Variants in LRRN1 observed in about 807,000 individuals in gnomAD.
The protein encoded by LRRN1 is leucine-rich repeat neuronal protein 1.
LRRN1 carries 14 observed loss-of-function variants against 45.8 expected under a neutral mutation model. The ratio of observed to expected loss-of-function variants is 0.31; its 90% confidence interval spans 0.20 to 0.48. The LOEUF (loss-of-function observed/expected upper bound fraction) is 0.48, where lower values mean the gene tolerates loss of function less well. Among genes scored for constraint, LRRN1 ranks in the 20% least tolerant of loss-of-function variants. The probability of loss-of-function intolerance (pLI) is 0.99; values close to 1 mark genes in which losing one functional copy is unlikely to be tolerated. For synonymous variants in LRRN1, 359 were observed against 330.1 expected (o/e 1.09, Z -0.95); for missense variants, 789 against 874.2 (o/e 0.90, Z 1.23).
At chr3:3,836,141 T>C (rs1343584055) in intron 1 of LRRN1, among the ~76,000 whole-genome samples, 2 of 152,218 alleles carry the variant, frequency 1.3e-5, no homozygotes, top group African/African-American at 4.8e-5. Flanking sequence ...GAATTTAAGA[T>C]AATTAATTTG....
At chr3:3,812,666 T>C (rs928555966) in intron 1 of LRRN1, among the ~76,000 whole-genome samples, 1 of 152,176 alleles carries the variant, frequency 6.6e-6, no homozygotes, top group Non-Finnish European at 1.5e-5. Context: ...TGAGTAATTC[T>C]ATTGAGTCTT....
intron 1 of LRRN1, among the ~76,000 whole-genome samples, chr3:3,805,254 G>A (rs957437454): frequency 1.3e-5 from 2 of 152,198 alleles, no homozygotes; most frequent in African/African-American, 4.8e-5. Context: ...AGCTTTAAAA[G>A]AGAGAAAGGT....
chr3:3,800,139 C>T (rs983517885), intron 1 of LRRN1, among the ~76,000 whole-genome samples: 1 of 103,968 alleles, frequency 9.6e-6, no homozygotes, highest in Non-Finnish European at 2.0e-5. Flanking sequence ...TCCCCCTTGC[C>T]AAAAAAAAAA....
intron 1 of LRRN1, among the ~76,000 whole-genome samples, chr3:3,823,421 G>A (rs974238687): frequency 1.3e-5 from 2 of 152,012 alleles, no homozygotes; most frequent in East Asian, 3.9e-4. Flanking sequence ...GAAGAAGAAG[G>A]TTAGGTTAAA....
intron 1 of LRRN1, among the ~76,000 whole-genome samples, chr3:3,843,572 C>T (rs183946301): frequency 2.6e-5 from 4 of 151,434 alleles, no homozygotes; most frequent in Admixed American, 2.6e-4. Flanking sequence ...CCACTGTACC[C>T]CCCCCCATAC....
Position 3,844,572 on chromosome 3 carries a change from T to C in LRRN1, c.-70T>C. On this transcript the variant is annotated 5_prime_UTR_variant, in exon 2 of 2. Transcript: ENST00000319331. ...CATTTTCTGCTCGCTGTCCTACATATCACAATATAGTGTTCACGTTTTGTT... is the reference window on the plus strand; with the variant it reads ...CATTTTCTGCTCGCTGTCCTACATACCACAATATAGTGTTCACGTTTTGTT... 1 of 1,179,250 alleles carries C rather than the reference T, an allele frequency of 8.5e-7. No individual in the cohort carries two copies. Among genetic ancestry groups the C allele is most frequent in the Non-Finnish European group, 1.2e-6 (1 of 825,876 alleles). 73.0% of individuals were successfully genotyped at this position (1,179,250 alleles called of 1,614,324 possible). A position where few individuals can be genotyped will look rare whatever the true frequency, so the allele number is the denominator to read the frequency against.
chr3:3,808,984 C>T (rs1692822124), intron 1 of LRRN1, among the ~76,000 whole-genome samples: 1 of 152,022 alleles, frequency 6.6e-6, no homozygotes. Context: ...ATCTCACTGC[C>T]TATTAAGTTA....
intron 1 of LRRN1, among the ~76,000 whole-genome samples, chr3:3,818,989 C>A (rs1361023855): frequency 6.7e-6 from 1 of 148,604 alleles, no homozygotes; most frequent in Non-Finnish European, 1.5e-5. Flanking sequence ...TATTAATTAA[C>A]TACTTTACTT....
At chr3:3,806,000 G>A (rs1369407197) in intron 1 of LRRN1, among the ~76,000 whole-genome samples, 1 of 152,144 alleles carries the variant, frequency 6.6e-6, no homozygotes, top group African/African-American at 2.4e-5. Flanking sequence ...AAGGCACTCT[G>A]CACAGAGGAT....
chr3:3,818,610 G>A (rs1397969797), intron 1 of LRRN1, among the ~76,000 whole-genome samples: 1 of 152,156 alleles, frequency 6.6e-6, no homozygotes, highest in South Asian at 2.1e-4. Flanking sequence ...GTTTAAAAGG[G>A]CTGTGAAAGA....
In LRRN1 at chr3:3,844,568, C is replaced by T; in HGVS notation, c.-74C>T. ...TTTACATTTTCTGCTCGCTGTCCTA[C>T]ATATCACAATATAGTGTTCACGTTT... On this transcript the variant is annotated 5_prime_UTR_variant, in exon 2 of 2. Coordinates refer to ENST00000319331, the MANE Select transcript of LRRN1 (RefSeq NM_020873.7). 3 of 1,123,654 alleles carry T rather than the reference C, an allele frequency of 2.7e-6. No individual in the cohort carries two copies. The highest frequency in any genetic ancestry group is 2.4e-5 in the East Asian group (1 of 41,208). 69.6% of individuals were successfully genotyped at this position (1,123,654 alleles called of 1,614,324 possible).
In LRRN1 at chr3:3,845,183, T is replaced by A. The variant is rs201032273; in HGVS notation, c.542T>A (p.Val181Asp). 6.2e-6 allele frequency: 10 copies of A among 1,614,152 alleles called. No individual in the cohort carries two copies. The East Asian group carries it at 2.0e-4, about 32-fold the overall frequency. ...RLHLNSNKLKVIDSRWFDSTP... is the reference protein window; with the variant it reads ...RLHLNSNKLKDIDSRWFDSTP... ...CACCTGAACTCCAACAAATTGAAAG[T>A]TATTGATAGTCGCTGGTTTGATTCT... is the stretch of plus-strand genomic sequence containing the variant. The change falls in exon 2 of 2, where the codon GTT (valine) becomes GAT (aspartate). Residue 181 changes from valine (V) to aspartate (D), a missense_variant. Val to Asp is a radical substitution (Grantham distance 152). Transcript: ENST00000319331. This position sits in a 1 kb window ranked among gnomAD's most constrained non-coding sequence, Gnocchi z 6.5.
intron 1 of LRRN1, among the ~76,000 whole-genome samples, chr3:3,836,463 A>G (rs1448653895): frequency 6.6e-6 from 1 of 152,184 alleles, no homozygotes; most frequent in African/African-American, 2.4e-5. Context: ...GGCTTATTTC[A>G]TAATGTCCTC....
At chr3:3,818,360 T>C (rs1693028076) in intron 1 of LRRN1, among the ~76,000 whole-genome samples, 1 of 152,222 alleles carries the variant, frequency 6.6e-6, no homozygotes, top group African/African-American at 2.4e-5. Flanking sequence ...TAACTACACT[T>C]GCTGGTGCTG....
At chr3:3,823,585 T>G (rs976878398) in intron 1 of LRRN1, among the ~76,000 whole-genome samples, 1 of 152,092 alleles carries the variant, frequency 6.6e-6, no homozygotes, top group Non-Finnish European at 1.5e-5. Flanking sequence ...CCTGCTATGA[T>G]CCACTGCTCA....
intron 1 of LRRN1, among the ~76,000 whole-genome samples, chr3:3,843,825 C>T (rs1693697674): frequency 6.6e-6 from 1 of 152,126 alleles, no homozygotes; most frequent in South Asian, 2.1e-4. Context: ...AGAAAGACTT[C>T]CAGGAGACAA....
At position 3,844,399 on chromosome 3, in the gene LRRN1, C is replaced by A; in HGVS notation, c.-243C>A. On this transcript the variant is annotated 5_prime_UTR_variant, in exon 2 of 2. Coordinates refer to ENST00000319331, the MANE Select transcript of LRRN1 (RefSeq NM_020873.7). Reference sequence around the variant, plus strand: ...AGACTTCAATTTGGCTGAAATAATTCATGCCACGGACCTGTGCACATGCCT... The same window carrying A: ...AGACTTCAATTTGGCTGAAATAATTAATGCCACGGACCTGTGCACATGCCT... 1 of 424,244 alleles carries A rather than the reference C, an allele frequency of 2.4e-6. No homozygotes were observed. Among genetic ancestry groups the A allele is most frequent in the South Asian group, 5.2e-5 (1 of 19,370 alleles). The allele number at this position is 424,244 out of a possible 1,614,324, so 26.3% of individuals were successfully genotyped here.
intron 1 of LRRN1, among the ~76,000 whole-genome samples, chr3:3,814,361 C>T (rs1692945146): frequency 6.6e-6 from 1 of 151,626 alleles, no homozygotes; most frequent in Non-Finnish European, 1.5e-5. Flanking sequence ...TTCCACTTTG[C>T]TGTGTGCCCC....
chr3:3,849,568 G>C lies in LRRN1; in HGVS notation c.*2776G>C, dbSNP rs1693853537. Among the ~76,000 whole-genome samples, 1 of 152,152 alleles carries C rather than the reference G, an allele frequency of 6.6e-6. No individual in the cohort carries two copies. Among genetic ancestry groups the C allele is most frequent in the South Asian group, 2.1e-4 (1 of 4,818 alleles). ...TTTAACAGTGAAGTGGTTATTATAGGTCACTTTCTAATTTCATATTTTCCC... is the reference window on the plus strand; with the variant it reads ...TTTAACAGTGAAGTGGTTATTATAGCTCACTTTCTAATTTCATATTTTCCC... On this transcript the variant is annotated 3_prime_UTR_variant, in exon 2 of 2. Coordinates refer to ENST00000319331, the MANE Select transcript of LRRN1 (RefSeq NM_020873.7).
Sources: allele counts gnomAD v4.1 joint callset (sites outside exome capture counted in the v4.1 genomes callset), GRCh38; gene constraint gnomAD v4.1.1; non-coding constraint Gnocchi (gnomAD v3.1); transcripts MANE v1.5; gene names NCBI Gene and HGNC (gene_info 2026-07-23, HGNC 2026-07-21).